Variants in BRINP3 observed in about 807,000 individuals in gnomAD.
BRINP3 encodes the protein BMP/retinoic acid inducible neural specific 3, also known as BMP/retinoic acid-inducible neural-specific protein 3.
A neutral mutation model predicts 71.0 loss-of-function variants in BRINP3; 19 were observed. The ratio of observed to expected loss-of-function variants is 0.27; its 90% CI spans 0.19 to 0.39. The LOEUF (loss-of-function observed/expected upper bound fraction) is 0.39, where lower values mean the gene tolerates loss of function less well. BRINP3 is among the 10% of genes least tolerant of loss of function. The probability of loss-of-function intolerance (pLI) is 1.00; values close to 1 mark genes in which losing one functional copy is unlikely to be tolerated. For missense variants in BRINP3, 959 were observed against 940.8 expected (o/e 1.02, Z -0.25); for synonymous variants, 380 against 337.7 (o/e 1.13, Z -1.37).
intron 7 of BRINP3, among the ~76,000 whole-genome samples, chr1:190,145,330 C>A (rs1263468955): frequency 6.6e-6 from 1 of 151,916 alleles, no homozygotes; most frequent in Non-Finnish European, 1.5e-5. Context: ...CATCTAAATC[C>A]CATTTAATTT....
chr1:190,130,257 T>C (rs978882282), intron 7 of BRINP3, among the ~76,000 whole-genome samples: 7 of 152,042 alleles, frequency 4.6e-5, no homozygotes, highest in Admixed American at 3.3e-4. Flanking sequence ...CCTGTCTTCA[T>C]GCTGCTCTTT....
chr1:190,230,874 T>C (rs1657911235), intron 5 of BRINP3, among the ~76,000 whole-genome samples: 1 of 151,488 alleles, frequency 6.6e-6, no homozygotes, highest in South Asian at 2.1e-4. Context: ...ATATATTTGA[T>C]TAATCAATGT....
intron 2 of BRINP3, among the ~76,000 whole-genome samples, chr1:190,312,581 T>C (rs1208697007): frequency 6.6e-6 from 1 of 151,658 alleles, no homozygotes; most frequent in Admixed American, 6.6e-5. Context: ...GACCTTAAGA[T>C]GTGTTATCAA....
intron 2 of BRINP3, among the ~76,000 whole-genome samples, chr1:190,448,572 G>A (rs1006610354): frequency 1.3e-5 from 2 of 151,056 alleles, no homozygotes; most frequent in Non-Finnish European, 3.0e-5. Flanking sequence ...TCTCCTGGAA[G>A]ATCTATGTAT....
intron 6 of BRINP3, among the ~76,000 whole-genome samples, chr1:190,194,877 G>C (rs912788944): frequency 6.6e-6 from 1 of 152,052 alleles, no homozygotes; most frequent in Non-Finnish European, 1.5e-5. Flanking sequence ...TGGAAGATAT[G>C]ATAAGCAAGG....
At chr1:190,257,289 G>A (rs1660751595) in intron 4 of BRINP3, among the ~76,000 whole-genome samples, 1 of 152,090 alleles carries the variant, frequency 6.6e-6, no homozygotes, top group Non-Finnish European at 1.5e-5. Flanking sequence ...GGCTAGTGAA[G>A]CTTGTGCATG....
intron 2 of BRINP3, among the ~76,000 whole-genome samples, chr1:190,300,050 G>A (rs777800523): frequency 1.4e-4 from 22 of 152,018 alleles, no homozygotes; most frequent in Non-Finnish European, 3.1e-4. Context: ...TTCTCGAGGA[G>A]TATCTTTGTG....
At chr1:190,428,434 C>CA (rs1030424281) in intron 2 of BRINP3, among the ~76,000 whole-genome samples, 2 of 151,462 alleles carry the variant, frequency 1.3e-5, no homozygotes, top group Non-Finnish European at 3.0e-5. Flanking sequence ...AATCCCCCCC[C>CA]AAAAAAACTC....
chr1:190,280,702 CAAG>C (rs1261240863), intron 3 of BRINP3, among the ~76,000 whole-genome samples: 2 of 151,818 alleles, frequency 1.3e-5, no homozygotes, highest in Non-Finnish European at 2.9e-5. Flanking sequence ...AAGAAACTGA[CAAG>C]AAAGCAGGGA....
At chr1:190,406,951 T>G (rs1029178405) in intron 2 of BRINP3, among the ~76,000 whole-genome samples, 2 of 152,154 alleles carry the variant, frequency 1.3e-5, no homozygotes, top group Non-Finnish European at 2.9e-5. Context: ...ATATTACAAC[T>G]GATCTTACGA....
chr1:190,123,586 A>G (rs1015265075), intron 7 of BRINP3, among the ~76,000 whole-genome samples: 1 of 152,138 alleles, frequency 6.6e-6, no homozygotes, highest in Non-Finnish European at 1.5e-5. Flanking sequence ...TTTAGATAGT[A>G]CTTAATACCA....
At chr1:190,279,632 A>G (rs1178620292) in intron 3 of BRINP3, among the ~76,000 whole-genome samples, 1 of 151,754 alleles carries the variant, frequency 6.6e-6, no homozygotes, top group Non-Finnish European at 1.5e-5. Flanking sequence ...TTAGCCGCCT[A>G]TATTTTTCAC....
chr1:190,255,581 T>C (rs571089425), intron 4 of BRINP3, among the ~76,000 whole-genome samples: 5 of 152,322 alleles, frequency 3.3e-5, no homozygotes, highest in South Asian at 2.1e-4. Flanking sequence ...GAGGTGTTTA[T>C]AGTATTCTCA....
chr1:190,102,261 CAT>C (rs1207608023), intron 7 of BRINP3, among the ~76,000 whole-genome samples: 1 of 152,244 alleles, frequency 6.6e-6, no homozygotes, highest in East Asian at 1.9e-4. Context: ...GAATTTTTCA[CAT>C]AGGTGGTTCC....
At chr1:190,273,250 T>C (rs1439807040) in intron 3 of BRINP3, among the ~76,000 whole-genome samples, 2 of 151,558 alleles carry the variant, frequency 1.3e-5, no homozygotes, top group African/African-American at 4.8e-5. Flanking sequence ...AATAGTGTTA[T>C]TCAATCAACT....
intron 6 of BRINP3, among the ~76,000 whole-genome samples, chr1:190,164,183 T>G (rs964677188): frequency 6.6e-6 from 1 of 152,146 alleles, no homozygotes; most frequent in Non-Finnish European, 1.5e-5. Context: ...ATGCAGTTAA[T>G]TGTGTACTTT....
intron 1 of BRINP3, among the ~76,000 whole-genome samples, chr1:190,469,170 TA>T (rs1480292187): frequency 6.6e-6 from 1 of 151,022 alleles, no homozygotes; most frequent in Non-Finnish European, 1.5e-5. Flanking sequence ...TTGTTGGTAC[TA>T]ATCATTGATA....
intron 4 of BRINP3, among the ~76,000 whole-genome samples, chr1:190,259,246 C>A (rs891085485): frequency 3.3e-5 from 5 of 150,760 alleles, no homozygotes; most frequent in African/African-American, 1.2e-4. Context: ...CCTCAGCAAA[C>A]TACTGGCAAA....
intron 6 of BRINP3, among the ~76,000 whole-genome samples, chr1:190,224,218 T>C (rs1657130994): frequency 6.6e-6 from 1 of 151,704 alleles, no homozygotes; most frequent in African/African-American, 2.4e-5. Context: ...GCTAGAATCA[T>C]CACACCACCT....
Sources: gnomAD v4.1 joint callset for allele counts (sites outside exome capture counted in the v4.1 genomes callset) on GRCh38, gnomAD v4.1.1 for gene constraint, MANE v1.5 for transcripts, NCBI Gene and HGNC (gene_info 2026-07-23, HGNC 2026-07-21) for gene names.